The following NCK1 variants were observed in gnomAD, a reference collection of about 807,000 sequenced individuals.
The protein encoded by NCK1 is NCK adaptor protein 1.
A neutral mutation model predicts 36.6 loss-of-function variants in NCK1; 19 were observed. That is an observed-to-expected ratio of 0.52 (90% CI 0.36 to 0.76). The LOEUF is 0.76. Among genes scored for constraint, NCK1 ranks in the 30% least tolerant of loss-of-function variants. The probability of loss-of-function intolerance (pLI) is 0.00; values close to 1 mark genes in which losing one functional copy is unlikely to be tolerated. For synonymous variants in NCK1, 165 were observed against 156.0 expected (o/e 1.06, Z -0.43); for missense variants, 358 against 445.6 (o/e 0.80, Z 1.77).
At chr3:136,868,342 T>C (rs1938509380) in intron 1 of NCK1, among the ~76,000 whole-genome samples, 1 of 152,158 alleles carries the variant, frequency 6.6e-6, no homozygotes, top group South Asian at 2.1e-4. Flanking sequence ...GTTTTTTTTT[T>C]CTTGAGACGG....
At chr3:136,944,112 C>CTTTTTTTT (rs72327296) in intron 2 of NCK1, among the ~76,000 whole-genome samples, 2 of 43,778 alleles carry the variant, frequency 4.6e-5, no homozygotes, top group Admixed American at 4.5e-4. Flanking sequence ...GAAAAACAAC[C>CTTTTTTTT]TTTTTTTTTT....
intron 1 of NCK1, among the ~76,000 whole-genome samples, chr3:136,875,938 A>G (rs1560031790): frequency 1.3e-5 from 2 of 152,148 alleles, no homozygotes; most frequent in African/African-American, 4.8e-5. Flanking sequence ...AAGAACAGAA[A>G]TTATAACAAA....
At chr3:136,916,615 T>G in intron 1 of NCK1, among the ~76,000 whole-genome samples, 1 of 152,190 alleles carries the variant, frequency 6.6e-6, no homozygotes, top group East Asian at 1.9e-4. Context: ...TAGTCAGTGT[T>G]CTCTGTGTTA....
intron 1 of NCK1, among the ~76,000 whole-genome samples, chr3:136,914,996 A>C (rs920986995): frequency 2.0e-5 from 3 of 152,164 alleles, no homozygotes; most frequent in Admixed American, 2.0e-4. Flanking sequence ...ATCTGTGTAC[A>C]TGCTGGCTTC....
rs147952446 is a variant in NCK1 at position 136,871,092 on chromosome 3, A to AT, written c.-19+8748dup. 7.7e-3 allele frequency among the ~76,000 whole-genome samples: 1,172 copies of AT among 151,670 alleles called. 19 individuals carry two copies. The highest frequency in any genetic ancestry group is 0.027 in the African/African-American group (1,135 of 41,346). On this transcript the variant is annotated intron_variant, in intron 1 of 3. Coordinates refer to ENST00000481752, the MANE Select transcript of NCK1 (RefSeq NM_001291999.2). ...GTGGATCCAACTAAAAAGCTTACTA[A>AT]TTTTTTTTTAAAAAATTGTTTAGTC...
intron 1 of NCK1, among the ~76,000 whole-genome samples, chr3:136,918,840 T>C (rs1940033819): frequency 6.6e-6 from 1 of 152,180 alleles, no homozygotes; most frequent in South Asian, 2.1e-4. Flanking sequence ...CTTGGCCTCA[T>C]TGTCTTGATA....
At chr3:136,892,878 T>C (rs986250799) in intron 1 of NCK1, among the ~76,000 whole-genome samples, 5 of 152,090 alleles carry the variant, frequency 3.3e-5, no homozygotes, top group African/African-American at 4.8e-5. Context: ...GTAAGTTCTT[T>C]AGTGGTGATT....
intron 1 of NCK1, among the ~76,000 whole-genome samples, chr3:136,896,836 A>G (rs1374409340): frequency 1.3e-5 from 2 of 151,746 alleles, no homozygotes; most frequent in African/African-American, 2.4e-5. Context: ...TTGATTACAT[A>G]TATTTGCTAT....
chr3:136,920,566 A>C (rs1006201073), intron 1 of NCK1, among the ~76,000 whole-genome samples: 1 of 152,180 alleles, frequency 6.6e-6, no homozygotes, highest in East Asian at 1.9e-4. Flanking sequence ...ATTACTGTCT[A>C]TATGATTATT....
At chr3:136,921,660 A>T (rs1479399685) in intron 1 of NCK1, among the ~76,000 whole-genome samples, 1 of 152,220 alleles carries the variant, frequency 6.6e-6, no homozygotes, top group Non-Finnish European at 1.5e-5. Flanking sequence ...TTATTCAGTA[A>T]CTATTGCAGT....
intron 1 of NCK1, among the ~76,000 whole-genome samples, chr3:136,893,147 A>AGTGTGTGTGTGTGTGTGT (rs142883729): frequency 7.2e-5 from 3 of 41,940 alleles, no homozygotes. Context: ...AATATTCCAT[A>AGTGTGTGTGTGTGTGTGT]GTGTGTGTGT....
rs1382177282 is a variant in NCK1, at chr3:136,948,341, T to C, written c.1022T>C (p.Ile341Thr). ...KVQLKETVYCIGQRKFSTMEE... is the reference protein window; with the variant it reads ...KVQLKETVYCTGQRKFSTMEE... ...CAACTAAAAGAGACTGTCTACTGCA[T>C]TGGGCAGCGTAAATTCAGCACCATG... The change falls in exon 4 of 4, where the codon ATT (isoleucine) becomes ACT (threonine). Residue 341 changes from isoleucine (I) to threonine (T), a missense_variant. Physicochemically the swap from Ile to Thr is moderately conservative, Grantham distance 89 (BLOSUM62 -1). This residue lies in a region of NCK1 where 207 missense variants were observed against 253.4 expected (regional missense o/e 0.82). Coordinates refer to ENST00000481752, the MANE Select transcript of NCK1 (RefSeq NM_001291999.2). 6.2e-7 allele frequency: 1 copy of C among 1,613,328 alleles called. No homozygotes were observed. The highest frequency in any genetic ancestry group is 2.2e-5 in the East Asian group (1 of 44,846).
intron 2 of NCK1, among the ~76,000 whole-genome samples, chr3:136,938,593 G>GTGT (rs1227400605): frequency 6.6e-6 from 1 of 152,198 alleles, no homozygotes; most frequent in African/African-American, 2.4e-5. Flanking sequence ...TAGTGATGAA[G>GTGT]TGTTGCCTAG....
chr3:136,929,268 A>G (rs1697732904), intron 2 of NCK1, among the ~76,000 whole-genome samples: 1 of 152,150 alleles, frequency 6.6e-6, no homozygotes, highest in Non-Finnish European at 1.5e-5. Flanking sequence ...TTGTTATTCT[A>G]GAATGTTCTT....
Position 136,877,064 on chromosome 3 carries a change from A to G in NCK1, c.-19+14711A>G, listed in dbSNP as rs375829999. ...AAAAGGAGAATTAGACAAATCCATA[A>G]GCATAATATGAGATATTTCAGCTTG... On this transcript the variant is annotated intron_variant, in intron 1 of 3. Transcript: ENST00000481752. 1.6e-4 allele frequency among the ~76,000 whole-genome samples: 24 copies of G among 152,300 alleles called. No individual in the cohort carries two copies. The East Asian group carries it at 4.1e-3, about 26-fold the overall frequency.
intron 1 of NCK1, among the ~76,000 whole-genome samples, chr3:136,922,971 C>G (rs969125222): frequency 6.6e-6 from 1 of 152,068 alleles, no homozygotes; most frequent in Non-Finnish European, 1.5e-5. Flanking sequence ...ATAATGATGA[C>G]GCACTCTGCA....
chr3:136,939,489 T>A (rs1409678020), intron 2 of NCK1, among the ~76,000 whole-genome samples: 1 of 152,124 alleles, frequency 6.6e-6, no homozygotes, highest in Admixed American at 6.5e-5. Context: ...TATTTCCTTC[T>A]TTTTGCTTTG....
intron 1 of NCK1, among the ~76,000 whole-genome samples, chr3:136,890,871 AAAC>A (rs1260419509): frequency 6.6e-6 from 1 of 152,114 alleles, no homozygotes; most frequent in Non-Finnish European, 1.5e-5. Flanking sequence ...TGTACCCATT[AAAC>A]AACAACTCCC....
chr3:136,922,205 G>A (rs558570423), intron 1 of NCK1, among the ~76,000 whole-genome samples: 63 of 152,302 alleles, frequency 4.1e-4, no homozygotes, highest in Middle Eastern at 3.4e-3. Flanking sequence ...GTACAAATTA[G>A]GCCCACCAAT....
Sources: allele counts gnomAD v4.1 joint callset (sites outside exome capture counted in the v4.1 genomes callset), GRCh38; gene constraint gnomAD v4.1.1; regional missense constraint gnomAD v4.1.1; transcripts MANE v1.5; gene names NCBI Gene and HGNC (gene_info 2026-07-23, HGNC 2026-07-21).